Variants in CNTN5 observed in about 807,000 individuals in gnomAD.
The protein encoded by CNTN5 is contactin 5.
Under a neutral mutation model 129.1 loss-of-function variants are expected in CNTN5, and 77 were observed. The observed-to-expected ratio is 0.60, with a 90% CI of 0.50 to 0.72. The LOEUF (loss-of-function observed/expected upper bound fraction) is 0.72, where lower values mean the gene tolerates loss of function less well. Among genes scored for constraint, CNTN5 ranks in the 30% least tolerant of loss-of-function variants. CNTN5 has a pLI of 0.00. For missense variants in CNTN5, 1,478 were observed against 1,328.8 expected, an observed-to-expected ratio of 1.11 and a Z score of -1.75; for synonymous variants, 509 against 465.6, an observed-to-expected ratio of 1.09 and a Z score of -1.20.
At chr11:100,248,460 C>T (rs1178993091) in intron 16 of CNTN5, among the ~76,000 whole-genome samples, 2 of 151,902 alleles carry the variant, frequency 1.3e-5, no homozygotes, top group East Asian at 1.9e-4. Flanking sequence ...GCAGGAGGAT[C>T]GCTTGAGTCC....
chr11:99,501,487 T>C (rs769188601), intron 2 of CNTN5, among the ~76,000 whole-genome samples: 11 of 152,230 alleles, frequency 7.2e-5, no homozygotes, highest in African/African-American at 9.6e-5. Flanking sequence ...GAAATGTACA[T>C]GCATCCTTCA....
chr11:99,094,332 G>C (rs1397120587), intron 1 of CNTN5, among the ~76,000 whole-genome samples: 1 of 151,960 alleles, frequency 6.6e-6, no homozygotes, highest in Admixed American at 6.6e-5. Flanking sequence ...TTCAGTCTGA[G>C]GGAACTTGGA....
chr11:100,322,289 C>G (rs997425776), intron 21 of CNTN5, among the ~76,000 whole-genome samples: 2 of 151,786 alleles, frequency 1.3e-5, no homozygotes, highest in African/African-American at 4.8e-5. Flanking sequence ...GTGGCGCGAT[C>G]TCAGCTCACT....
chr11:99,160,940 G>T (rs1373454884), intron 1 of CNTN5, among the ~76,000 whole-genome samples: 3 of 152,108 alleles, frequency 2.0e-5, no homozygotes, highest in Admixed American at 1.3e-4. Context: ...TACACATATG[G>T]TATTAATGAC....
chr11:100,325,180 G>T (rs1244336159), intron 21 of CNTN5, among the ~76,000 whole-genome samples: 2 of 152,134 alleles, frequency 1.3e-5, no homozygotes, highest in East Asian at 3.8e-4. Context: ...GATCTTAGAT[G>T]CTGTATAAGA....
chr11:100,066,107 T>C (rs11222597), intron 10 of CNTN5, among the ~76,000 whole-genome samples: 5,251 of 152,126 alleles, frequency 0.035, 310 homozygotes, highest in African/African-American at 0.12. Flanking sequence ...GGGCAATGGA[T>C]TGGGGGGAAA....
chr11:99,543,606 T>A (rs745873861), intron 2 of CNTN5, among the ~76,000 whole-genome samples: 1 of 152,142 alleles, frequency 6.6e-6, no homozygotes, highest in Non-Finnish European at 1.5e-5. Context: ...TACATAGTTA[T>A]TGTTGCTTTA....
At chr11:99,890,839 T>G (rs889165301) in intron 6 of CNTN5, among the ~76,000 whole-genome samples, 2 of 152,082 alleles carry the variant, frequency 1.3e-5, no homozygotes, top group African/African-American at 2.4e-5. Flanking sequence ...CATGTCATGG[T>G]GATAATATGA....
intron 6 of CNTN5, among the ~76,000 whole-genome samples, chr11:99,846,075 A>G (rs1483385719): frequency 6.6e-6 from 1 of 151,730 alleles, no homozygotes; most frequent in Non-Finnish European, 1.5e-5. Context: ...TATCTCCTAG[A>G]TGTCCCAGTT....
intron 3 of CNTN5, among the ~76,000 whole-genome samples, chr11:99,596,242 C>T (rs1950123092): frequency 6.6e-6 from 1 of 152,002 alleles, no homozygotes; most frequent in Non-Finnish European, 1.5e-5. Context: ...CGTCCTATAC[C>T]AAAAGATAGG....
chr11:99,864,234 C>G (rs1948293844), intron 6 of CNTN5, among the ~76,000 whole-genome samples: 1 of 151,754 alleles, frequency 6.6e-6, no homozygotes, highest in African/African-American at 2.4e-5. Context: ...TCCATTTATC[C>G]TTCTACCAGA....
intron 3 of CNTN5, among the ~76,000 whole-genome samples, chr11:99,639,591 G>A (rs1395390963): frequency 2.6e-5 from 3 of 116,688 alleles, no homozygotes; most frequent in Non-Finnish European, 3.5e-5. Context: ...TTGAGACGGA[G>A]TTTTATCTTG....
intron 1 of CNTN5, among the ~76,000 whole-genome samples, chr11:99,075,684 A>G (rs918150349): frequency 1.3e-5 from 2 of 152,198 alleles, no homozygotes; most frequent in African/African-American, 4.8e-5. Context: ...GTCGACTGAC[A>G]ACTCTTAAGG....
intron 6 of CNTN5, among the ~76,000 whole-genome samples, chr11:99,893,270 A>G (rs990114317): frequency 6.6e-6 from 1 of 152,298 alleles, no homozygotes; most frequent in East Asian, 1.9e-4. Context: ...AGACACTCTT[A>G]TAACACCCTA....
At chr11:100,053,608 C>T (rs1309959021) in intron 9 of CNTN5, among the ~76,000 whole-genome samples, 3 of 151,688 alleles carry the variant, frequency 2.0e-5, no homozygotes, top group South Asian at 4.2e-4. Context: ...TGGAAATTTC[C>T]TACACTGTTG....
At chr11:99,782,583 C>G (rs1049769544) in intron 3 of CNTN5, among the ~76,000 whole-genome samples, 1 of 151,788 alleles carries the variant, frequency 6.6e-6, no homozygotes, top group Non-Finnish European at 1.5e-5. Flanking sequence ...AACTATACTG[C>G]AAGGCTACAG....
At chr11:99,601,711 C>G (rs974794453) in intron 3 of CNTN5, among the ~76,000 whole-genome samples, 28 of 152,074 alleles carry the variant, frequency 1.8e-4, no homozygotes, top group Admixed American at 2.6e-4. Context: ...CTAATCAATC[C>G]CACCTCATCT....
At chr11:99,257,447 T>G (rs913668773) in intron 1 of CNTN5, among the ~76,000 whole-genome samples, 2 of 152,136 alleles carry the variant, frequency 1.3e-5, no homozygotes, top group African/African-American at 4.8e-5. Context: ...TTTGTCAAAC[T>G]ATCCATACCT....
At chr11:100,320,300 A>T (rs1429560077) in intron 21 of CNTN5, among the ~76,000 whole-genome samples, 2 of 152,108 alleles carry the variant, frequency 1.3e-5, no homozygotes, top group Non-Finnish European at 2.9e-5. Context: ...GATTAGTGAG[A>T]TTGAGCATTT....
Sources: allele counts gnomAD v4.1 joint callset (sites outside exome capture counted in the v4.1 genomes callset), GRCh38; gene constraint gnomAD v4.1.1; transcripts MANE v1.5; gene names NCBI Gene and HGNC (gene_info 2026-07-23, HGNC 2026-07-21).